Variants in KIDINS220 observed in about 807,000 individuals in gnomAD.
The protein encoded by KIDINS220 is kinase D interacting substrate 220, also known as kinase D-interacting substrate of 220 kDa.
In KIDINS220, 63 loss-of-function variants were observed where a neutral mutation model predicts 157.6. The ratio of observed to expected loss-of-function variants is 0.40; its 90% CI spans 0.33 to 0.49. The LOEUF is 0.49. KIDINS220 is among the 20% of genes least tolerant of loss of function. The pLI is 0.66. For synonymous variants in KIDINS220, 732 were observed against 783.6 expected, an observed-to-expected ratio of 0.93 and a Z score of 1.10; for missense variants, 1,772 against 2,171.2, an observed-to-expected ratio of 0.82 and a Z score of 3.65.
chr2:8,747,249 G>T, intron 25 of KIDINS220, 48 bp from the exon 26 acceptor site: 1 of 1,509,828 alleles, frequency 6.6e-7, no homozygotes, highest in Non-Finnish European at 9.2e-7. Context: ...GAAGGGGGGA[G>T]CCAAACTGTG....
intron 26 of KIDINS220, 85 bp from the exon 27 acceptor site, chr2:8,737,084 A>C: frequency 7.7e-7 from 1 of 1,305,670 alleles, no homozygotes; most frequent in Non-Finnish European, 1.1e-6. Flanking sequence ...AAAACTCATT[A>C]AGTTATACCA....
At chr2:8,832,117 C>T (rs758206468) in intron 1 of KIDINS220, among the ~76,000 whole-genome samples, 8 of 152,208 alleles carry the variant, frequency 5.3e-5, no homozygotes, top group Non-Finnish European at 1.2e-4. Context: ...TCCTTGAACT[C>T]TTCCCCGAAT....
intron 5 of KIDINS220, among the ~76,000 whole-genome samples, chr2:8,812,722 A>C (rs554785228): frequency 6.6e-6 from 1 of 152,236 alleles, no homozygotes; most frequent in Non-Finnish European, 1.5e-5. Context: ...CTCATAATAC[A>C]TAATTGGCAA....
At chr2:8,757,091 T>C (rs999626218) in intron 22 of KIDINS220, 5 of 189,794 alleles carry the variant, frequency 2.6e-5, no homozygotes, top group African/African-American at 4.8e-5. Context: ...GTCTATTCTA[T>C]TTAGTCCAAT....
intron 22 of KIDINS220, among the ~76,000 whole-genome samples, chr2:8,752,322 A>T (rs1472657963): frequency 4.7e-5 from 7 of 149,934 alleles, no homozygotes; most frequent in African/African-American, 1.5e-4. Context: ...CAGTCTAAAA[A>T]TTTTTTTTTT....
At chr2:8,807,950 T>C (rs546085045) in intron 6 of KIDINS220, among the ~76,000 whole-genome samples, 9 of 152,128 alleles carry the variant, frequency 5.9e-5, no homozygotes, top group African/African-American at 2.2e-4. Context: ...GGTGAAATCC[T>C]ATCTCTACTA....
chr2:8,775,901 C>A (rs1277359852), intron 21 of KIDINS220, among the ~76,000 whole-genome samples: 1 of 152,136 alleles, frequency 6.6e-6, no homozygotes, highest in Admixed American at 6.6e-5. Flanking sequence ...TCTACTAGGG[C>A]AGAGACTTTA....
At chr2:8,741,976 T>G (rs1468786926) in intron 26 of KIDINS220, among the ~76,000 whole-genome samples, 5 of 152,242 alleles carry the variant, frequency 3.3e-5, no homozygotes, top group Admixed American at 3.3e-4. Flanking sequence ...GGACCTGTCC[T>G]GAGCCTGAAG....
chr2:8,724,512 T>C (rs1401594389), downstream of KIDINS220: 1 of 152,362 alleles, frequency 6.6e-6, no homozygotes, highest in Non-Finnish European at 1.5e-5. This position sits in a 1 kb window ranked among gnomAD's most constrained non-coding sequence, Gnocchi z 4.6. Flanking sequence ...ACTCCCAAAG[T>C]GCTGGGATTA....
At chr2:8,802,709 C>T (rs1036028838) in intron 8 of KIDINS220, among the ~76,000 whole-genome samples, 2 of 152,152 alleles carry the variant, frequency 1.3e-5, no homozygotes, top group Non-Finnish European at 2.9e-5. Context: ...AGACTAATAG[C>T]ACATGTGACA....
chr2:8,818,587 G>T, intron 3 of KIDINS220, 108 bp downstream of exon 3: 1 of 642,292 alleles, frequency 1.6e-6, no homozygotes, highest in Non-Finnish European at 2.7e-6. Flanking sequence ...AGGCAAAGTT[G>T]AAATATATGT....
chr2:8,780,551 T>G (rs918171571), intron 17 of KIDINS220, among the ~76,000 whole-genome samples: 33 of 149,922 alleles, frequency 2.2e-4, no homozygotes, highest in Non-Finnish European at 2.5e-4. Flanking sequence ...TGGTGGGGGG[T>G]GTGTGTGTGT....
chr2:8,769,683 C>T (rs989223983), intron 22 of KIDINS220, among the ~76,000 whole-genome samples: 1 of 152,066 alleles, frequency 6.6e-6, no homozygotes, highest in Non-Finnish European at 1.5e-5. Context: ...TATTATAATA[C>T]AAACGTTTAT....
chr2:8,802,911 T>C lies in KIDINS220; in HGVS notation c.801+19A>G. On this transcript the variant is annotated intron_variant, in intron 8 of 29. Transcript: ENST00000256707. ...ATCCACTTCACCACTAGGAGACAAA[T>C]GTGAAATAGATGACCTACCCTGTCA... 5 of 1,609,334 alleles carry C rather than the reference T, an allele frequency of 3.1e-6. No homozygotes were observed. The highest frequency in any genetic ancestry group is 4.2e-6 in the Non-Finnish European group (5 of 1,176,784).
chr2:8,779,226 TG>T, intron 18 of KIDINS220, 87 bp from the exon 19 acceptor site: 1 of 1,478,516 alleles, frequency 6.8e-7, no homozygotes, highest in Non-Finnish European at 9.2e-7. Context: ...TGCTACCTTT[TG>T]GTGACAATAT....
At chr2:8,827,830 C>CT (rs990031329) in intron 1 of KIDINS220, among the ~76,000 whole-genome samples, 1 of 152,142 alleles carries the variant, frequency 6.6e-6, no homozygotes, top group African/African-American at 2.4e-5. Context: ...AATTACATTA[C>CT]TTTTTTTAAA....
intron 12 of KIDINS220, among the ~76,000 whole-genome samples, chr2:8,791,626 T>C (rs780574854): frequency 2.6e-5 from 4 of 152,162 alleles, no homozygotes; most frequent in Admixed American, 6.5e-5. Flanking sequence ...TATGGGAACA[T>C]TGTGCATTTT....
At chr2:8,771,552 A>G (rs1454378435) in intron 21 of KIDINS220, among the ~76,000 whole-genome samples, 1 of 152,148 alleles carries the variant, frequency 6.6e-6, no homozygotes, top group Non-Finnish European at 1.5e-5. Flanking sequence ...TGAGCTGCTG[A>G]TACTGTTGTT....
chr2:8,779,248 C>T (rs1360071867), intron 18 of KIDINS220, 109 bp from the exon 19 acceptor site: 5 of 1,350,744 alleles, frequency 3.7e-6, no homozygotes, highest in Non-Finnish European at 5.0e-6. Context: ...TTCTAAACTA[C>T]TATTTCTTTT....
Sources: gnomAD v4.1 joint callset for allele counts (sites outside exome capture counted in the v4.1 genomes callset) on GRCh38, gnomAD v4.1.1 for gene constraint, Gnocchi (gnomAD v3.1) non-coding constraint, MANE v1.5 for transcripts, NCBI Gene and HGNC (gene_info 2026-07-23, HGNC 2026-07-21) for gene names.